The following NAV1 variants were observed in gnomAD, a reference collection of about 807,000 sequenced individuals.
NAV1 encodes pore membrane and/or filament interacting like protein 3.
A neutral mutation model predicts 175.2 loss-of-function variants in NAV1; 18 were observed. That is an observed-to-expected ratio of 0.10 (90% CI 0.07 to 0.15). NAV1 has a LOEUF of 0.15. Ranked by LOEUF, NAV1 falls within the 10% of genes least tolerant of loss-of-function variation. The pLI is 1.00. For missense variants in NAV1, 1,731 were observed against 2,436.6 expected, an observed-to-expected ratio of 0.71 and a Z score of 6.10; for synonymous variants, 897 against 978.7, an observed-to-expected ratio of 0.92 and a Z score of 1.56.
intron 2 of NAV1, among the ~76,000 whole-genome samples, chr1:201,602,667 G>GTTTTTTTTTTGTTTGTT (rs374267102): frequency 2.5e-5 from 3 of 120,676 alleles, no homozygotes; most frequent in East Asian, 2.4e-4. Context: ...TTTTTTTTTG[G>GTTTTTTTTTTGTTTGTT]TTTTTTTTTT....
intron 1 of NAV1, among the ~76,000 whole-genome samples, chr1:201,624,693 T>G (rs1668281135): frequency 6.6e-6 from 1 of 152,144 alleles, no homozygotes; most frequent in Non-Finnish European, 1.5e-5. Context: ...CTAAAAAGAC[T>G]TCAGTAAGTA....
chr1:201,542,482 C>T (rs1209296723), intron 1 of NAV1, among the ~76,000 whole-genome samples: 3 of 152,160 alleles, frequency 2.0e-5, no homozygotes, highest in Non-Finnish European at 4.4e-5. Flanking sequence ...ACTAGTCTAG[C>T]GAAAAACACC....
chr1:201,610,129 C>T (rs1667803919), intron 2 of NAV1, among the ~76,000 whole-genome samples: 1 of 152,202 alleles, frequency 6.6e-6, no homozygotes, highest in South Asian at 2.1e-4. Context: ...CACCTGCTTC[C>T]CATGCCAGCT....
chr1:201,741,737 A>G (rs1270439069), intron 3 of NAV1, among the ~76,000 whole-genome samples: 1 of 151,726 alleles, frequency 6.6e-6, no homozygotes, highest in African/African-American at 2.4e-5. Context: ...TTTCCTTCCT[A>G]CTCAACAGCC....
At chr1:201,688,606 G>A (rs920427646) in intron 1 of NAV1, among the ~76,000 whole-genome samples, 9 of 152,136 alleles carry the variant, frequency 5.9e-5, no homozygotes, top group Non-Finnish European at 1.0e-4. Flanking sequence ...TCATTCAAGG[G>A]AAGAGGCTCA....
intron 1 of NAV1, among the ~76,000 whole-genome samples, chr1:201,654,231 G>A (rs866438521): frequency 1.1e-4 from 17 of 152,150 alleles, no homozygotes; most frequent in African/African-American, 4.1e-4. Flanking sequence ...CATCACTGAT[G>A]GCTCTAACCC....
At chr1:201,621,878 TTGTA>T (rs1464830458), upstream of NAV1, among the ~76,000 whole-genome samples, 1 of 152,236 alleles carries the variant, frequency 6.6e-6, no homozygotes, top group Non-Finnish European at 1.5e-5. Context: ...CTGGAATTGA[TTGTA>T]TGTATCTTTG....
chr1:201,737,168 A>G (rs1673149363), intron 3 of NAV1, among the ~76,000 whole-genome samples: 1 of 152,142 alleles, frequency 6.6e-6, no homozygotes, highest in African/African-American at 2.4e-5. Context: ...GCTGCTGCCA[A>G]TTACCCAAAG....
chr1:201,574,356 A>G (rs765354669), intron 1 of NAV1, among the ~76,000 whole-genome samples: 52 of 152,104 alleles, frequency 3.4e-4, no homozygotes, highest in Non-Finnish European at 6.8e-4. Context: ...AGCAGGTGGC[A>G]TGAGAATTGG....
intron 1 of NAV1, among the ~76,000 whole-genome samples, chr1:201,696,332 G>T (rs1162890821): frequency 6.6e-6 from 1 of 152,206 alleles, no homozygotes; most frequent in Non-Finnish European, 1.5e-5. Context: ...TTAGGCAGTC[G>T]AGAGCAGCCA....
intron 28 of NAV1, among the ~76,000 whole-genome samples, chr1:201,814,387 A>C (rs1320235141): frequency 6.6e-6 from 1 of 152,016 alleles, no homozygotes; most frequent in African/African-American, 2.4e-5. Flanking sequence ...AAAACAATTA[A>C]AATTAAAAGT....
chr1:201,809,481 G>A, exon 22 of NAV1: 2 of 1,614,134 alleles, frequency 1.2e-6, no homozygotes, highest in Non-Finnish European at 8.5e-7. Flanking sequence ...CTGTAGCAAG[G>A]TCAGTGGAAA....
intron 3 of NAV1, among the ~76,000 whole-genome samples, chr1:201,720,704 T>C (rs1672346622): frequency 6.6e-6 from 1 of 152,272 alleles, no homozygotes; most frequent in African/African-American, 2.4e-5. Flanking sequence ...AGGGTTCTGA[T>C]GAGGATTCAA....
chr1:201,718,325 G>C lies in NAV1; in HGVS notation c.861-65G>C. On this transcript the variant is annotated intron_variant, in intron 2 of 29. Transcript: ENST00000367296. This position sits in a 1 kb window ranked among gnomAD's most constrained non-coding sequence, Gnocchi z 4.8. The stretch of plus-strand genomic sequence containing the variant: ...GAGGGGAGGCATTGCTGGGGTGCAT[G>C]TGAGGGGACAGGGCACACGGCGGCT... 1 of 1,439,842 alleles carries C rather than the reference G, an allele frequency of 6.9e-7. No individual in the cohort carries two copies. The highest frequency in any genetic ancestry group is 9.1e-7 in the Non-Finnish European group (1 of 1,094,488). 89.2% of individuals were successfully genotyped at this position (1,439,842 alleles called of 1,614,324 possible).
intron 1 of NAV1, chr1:201,673,265 C>T (rs1449633969): frequency 2.6e-5 from 4 of 152,208 alleles, no homozygotes; most frequent in African/African-American, 7.2e-5. Flanking sequence ...ACAGATGGGC[C>T]GCGGCATCTA....
intron 3 of NAV1, among the ~76,000 whole-genome samples, chr1:201,756,830 TTCTTTC>T (rs1468509970): frequency 1.7e-5 from 1 of 57,596 alleles, no homozygotes; most frequent in African/African-American, 4.4e-5. Flanking sequence ...CTTTCTTTCT[TTCTTTC>T]TTTCTTTCTT....
chr1:201,644,947 C>G (rs1668925317), upstream of NAV1, among the ~76,000 whole-genome samples: 1 of 152,102 alleles, frequency 6.6e-6, no homozygotes, highest in African/African-American at 2.4e-5. Flanking sequence ...GAAGATCTGG[C>G]CCTGGGGAGG....
At chr1:201,581,277 G>C (rs73084503) in intron 1 of NAV1, among the ~76,000 whole-genome samples, 4,345 of 152,286 alleles carry the variant, frequency 0.029, 197 homozygotes, top group African/African-American at 0.099. Context: ...AATCTTGAGA[G>C]AGATTTAGGA....
At chr1:201,584,350 A>G (rs1002735227) in intron 1 of NAV1, among the ~76,000 whole-genome samples, 1 of 152,236 alleles carries the variant, frequency 6.6e-6, no homozygotes. Flanking sequence ...CCTACTCTAT[A>G]TGCAGCTATA....
Sources: allele counts gnomAD v4.1 joint callset (sites outside exome capture counted in the v4.1 genomes callset), GRCh38; gene constraint gnomAD v4.1.1; non-coding constraint Gnocchi (gnomAD v3.1); transcripts MANE v1.5; gene names NCBI Gene and HGNC (gene_info 2026-07-23, HGNC 2026-07-21).